TP63: variants seen among roughly 807,000 people sequenced by gnomAD.
TP63 encodes the protein tumor protein 63.
In TP63, 17 loss-of-function variants were observed where a neutral mutation model predicts 82.8. The observed-to-expected ratio is 0.21, with a 90% CI of 0.14 to 0.31. The LOEUF is 0.31. TP63 is among the 10% of genes least tolerant of loss of function. The pLI, the probability that TP63 is intolerant of heterozygous loss-of-function variation, is 1.00. For synonymous variants in TP63, 330 were observed against 321.7 expected (o/e 1.03, Z -0.28); for missense variants, 648 against 895.3 (o/e 0.72, Z 3.52).
chr3:189,736,778 A>G (rs1355558298), intron 1 of TP63, among the ~76,000 whole-genome samples: 1 of 129,404 alleles, frequency 7.7e-6, no homozygotes, highest in Non-Finnish European at 1.7e-5. Flanking sequence ...CACATATTTG[A>G]AATTTTAAGA....
intron 4 of TP63, among the ~76,000 whole-genome samples, chr3:189,812,027 C>G (rs553715665): frequency 1.3e-5 from 2 of 152,320 alleles, no homozygotes; most frequent in African/African-American, 4.8e-5. Context: ...TGCCCACAAA[C>G]TGAAAGAAAC....
At chr3:189,687,463 T>G (rs1446373100) in intron 1 of TP63, among the ~76,000 whole-genome samples, 1 of 152,218 alleles carries the variant, frequency 6.6e-6, no homozygotes, top group African/African-American at 2.4e-5. Flanking sequence ...GCTTGATAAC[T>G]TTACAGCCCT....
chr3:189,714,726 T>C (rs1000077405), intron 1 of TP63, among the ~76,000 whole-genome samples: 4 of 152,166 alleles, frequency 2.6e-5, no homozygotes, highest in Non-Finnish European at 5.9e-5. Context: ...AAGAAGGGCA[T>C]ACATAAATGA....
chr3:189,771,694 G>T (rs769846741), intron 3 of TP63, among the ~76,000 whole-genome samples: 1 of 151,716 alleles, frequency 6.6e-6, no homozygotes, highest in East Asian at 1.9e-4. Context: ...TGATTGAATA[G>T]TCTTGTTTGG....
chr3:189,660,283 A>T (rs1713754925), intron 1 of TP63, among the ~76,000 whole-genome samples: 1 of 152,100 alleles, frequency 6.6e-6, no homozygotes, highest in South Asian at 2.1e-4. Flanking sequence ...CAGCTATCCC[A>T]GCACCATTGA....
At chr3:189,663,521 CTTTTTTT>C (rs397991949) in intron 1 of TP63, among the ~76,000 whole-genome samples, 6 of 84,550 alleles carry the variant, frequency 7.1e-5, no homozygotes, top group East Asian at 3.9e-4. Context: ...TTCATTCATT[CTTTTTTT>C]TTTTTTTTTT....
intron 1 of TP63, among the ~76,000 whole-genome samples, chr3:189,691,250 A>T (rs1716890144): frequency 1.3e-5 from 2 of 150,402 alleles, no homozygotes; most frequent in African/African-American, 4.9e-5. Flanking sequence ...GACACAGGAG[A>T]ATCTCTTCAA....
intron 1 of TP63, among the ~76,000 whole-genome samples, chr3:189,672,320 G>T (rs548272914): frequency 6.6e-6 from 1 of 152,132 alleles, no homozygotes; most frequent in South Asian, 2.1e-4. Flanking sequence ...TTTGAAAAAG[G>T]CTGGGTGCAG....
Position 189,734,926 on chromosome 3 carries a change from A to G in TP63, c.63-2814A>G, listed in dbSNP as rs117937721. Among the ~76,000 whole-genome samples the G allele has an allele frequency of 1.3e-3, 202 of 150,752 alleles. 4 individuals are homozygous for G. In the East Asian group the frequency reaches 0.035, roughly 26 times the overall value. ...CACACTAGCTCCTTCCTCTTTAGGCATAATTCAGGTTCTTCTAATCCAATT... is the reference window on the plus strand; with the variant it reads ...CACACTAGCTCCTTCCTCTTTAGGCGTAATTCAGGTTCTTCTAATCCAATT... On this transcript the variant is annotated intron_variant, in intron 1 of 13. Transcript: ENST00000264731.
At chr3:189,823,632 A>G (rs1409631470) in intron 4 of TP63, among the ~76,000 whole-genome samples, 1 of 151,996 alleles carries the variant, frequency 6.6e-6, no homozygotes, top group Non-Finnish European at 1.5e-5. Context: ...ATGATTAGCT[A>G]TTTTACTAGA....
chr3:189,830,346 AC>A lies in TP63; in HGVS notation c.579+21821del, dbSNP rs576679356. On this transcript the variant is annotated intron_variant, in intron 4 of 13. Coordinates refer to ENST00000264731, the MANE Select transcript of TP63 (RefSeq NM_003722.5). ...TCTACCTTCAATTTGACTTACTGCA[AC>A]TCTGATTTTCATGGCAAGGGATAGA... Among the ~76,000 whole-genome samples the A allele has an allele frequency of 2.0e-3, 312 of 152,256 alleles. 1 individual carries two copies. Among genetic ancestry groups the A allele is most frequent in the African/African-American group, 7.3e-3 (303 of 41,552 alleles).
chr3:189,737,632 G>T (rs954386999), intron 1 of TP63, 108 bp from the exon 2 acceptor site: 31 of 1,364,400 alleles, frequency 2.3e-5, no homozygotes, highest in Non-Finnish European at 3.1e-5. Context: ...TACCTGCATG[G>T]TTTTATAGAT....
chr3:189,680,443 C>A (rs148847251), intron 1 of TP63, among the ~76,000 whole-genome samples: 39 of 152,170 alleles, frequency 2.6e-4, no homozygotes, highest in African/African-American at 8.9e-4. Flanking sequence ...TTTTAGGAGA[C>A]CAGCATTCCA....
chr3:189,669,899 C>A (rs1175589889), intron 1 of TP63, among the ~76,000 whole-genome samples: 7 of 151,808 alleles, frequency 4.6e-5, no homozygotes, highest in African/African-American at 1.7e-4. Flanking sequence ...AAACAAATAG[C>A]AAAATGGTAG....
At chr3:189,784,104 T>C (rs928469923) in intron 3 of TP63, among the ~76,000 whole-genome samples, 1 of 152,052 alleles carries the variant, frequency 6.6e-6, no homozygotes, top group African/African-American at 2.4e-5. Flanking sequence ...TTTTTATTTG[T>C]ATTTTACTTT....
chr3:189,657,311 T>TA (rs942073388), intron 1 of TP63, among the ~76,000 whole-genome samples: 1 of 151,998 alleles, frequency 6.6e-6, no homozygotes, highest in Non-Finnish European at 1.5e-5. Context: ...CATTACGGCA[T>TA]AAAAAATGAA....
chr3:189,630,460 A>G (rs1729416278), upstream of TP63, among the ~76,000 whole-genome samples: 1 of 152,310 alleles, frequency 6.6e-6, no homozygotes, highest in African/African-American at 2.4e-5. Context: ...TTGGGAATAT[A>G]TGAACAATTT....
intron 3 of TP63, among the ~76,000 whole-genome samples, chr3:189,745,178 T>G (rs991026057): frequency 2.0e-5 from 3 of 152,160 alleles, no homozygotes; most frequent in African/African-American, 7.2e-5. Flanking sequence ...CTACCAGATG[T>G]GCAGATATCA....
chr3:189,656,957 T>C (rs9873650), intron 1 of TP63, among the ~76,000 whole-genome samples: 66,490 of 146,804 alleles, frequency 0.45, 16,032 homozygotes, highest in Middle Eastern at 0.69. Context: ...TAAACTGCAG[T>C]GCATCCCATT....
Sources: gnomAD v4.1 joint callset for allele counts (sites outside exome capture counted in the v4.1 genomes callset) on GRCh38, gnomAD v4.1.1 for gene constraint, MANE v1.5 for transcripts, NCBI Gene and HGNC (gene_info 2026-07-23, HGNC 2026-07-21) for gene names.